The following UTRN variants were observed in gnomAD, a reference collection of about 807,000 sequenced individuals.
UTRN encodes utrophin, also known as dystrophin-related protein 1.
UTRN carries 283 observed loss-of-function variants against 463.9 expected under a neutral mutation model. The observed-to-expected ratio is 0.61, with a 90% CI of 0.55 to 0.67. UTRN has a LOEUF of 0.67. UTRN is among the 30% of genes least tolerant of loss of function. The pLI, the probability that UTRN is intolerant of heterozygous loss-of-function variation, is 0.00. For missense variants in UTRN, 3,922 were observed against 4,084.3 expected (o/e 0.96, Z 1.08); for synonymous variants, 1,442 against 1,431.5 (o/e 1.01, Z -0.17).
intron 17 of UTRN, among the ~76,000 whole-genome samples, 196 bp downstream of exon 17, chr6:144,448,965 A>G (rs1010544851): frequency 6.6e-6 from 1 of 152,012 alleles, no homozygotes; most frequent in Non-Finnish European, 1.5e-5. Context: ...TAAGCATCCA[A>G]ATTTTCTTGG....
intron 52 of UTRN, among the ~76,000 whole-genome samples, chr6:144,686,019 A>G (rs1260790626): frequency 6.6e-6 from 1 of 152,092 alleles, no homozygotes; most frequent in Non-Finnish European, 1.5e-5. Flanking sequence ...TAAAATTGTT[A>G]ATGGTTTCAG....
At chr6:144,473,191 T>A (rs1435460927) in intron 23 of UTRN, among the ~76,000 whole-genome samples, 2 of 152,238 alleles carry the variant, frequency 1.3e-5, no homozygotes, top group African/African-American at 4.8e-5. Flanking sequence ...AGCTGGATTT[T>A]ATATATATAG....
intron 40 of UTRN, 51 bp from the exon 41 acceptor site, chr6:144,522,964 CT>C: frequency 2.4e-5 from 33 of 1,359,264 alleles, no homozygotes; most frequent in Admixed American, 4.7e-5. Flanking sequence ...TCTGTGATTC[CT>C]TTTTTTGTTA....
Position 144,839,294 on chromosome 6 carries a change from C to T in UTRN, c.10177+10C>T. 6.2e-7 allele frequency: 1 copy of T among 1,605,440 alleles called. No homozygotes were observed. Among genetic ancestry groups the T allele is most frequent in the Non-Finnish European group, 8.5e-7 (1 of 1,173,314 alleles). On this transcript the variant is annotated intron_variant, in intron 72 of 74. Coordinates refer to ENST00000367545, the MANE Select transcript of UTRN (RefSeq NM_007124.3). ...CAGTTCCACCAGGCAGGTCGGTGTCCCCAGCACACAGCTCCTCTGCTGAGT... is the reference window on the plus strand; with the variant it reads ...CAGTTCCACCAGGCAGGTCGGTGTCTCCAGCACACAGCTCCTCTGCTGAGT...
intron 2 of UTRN, among the ~76,000 whole-genome samples, chr6:144,310,779 A>T (rs1257475872): frequency 6.6e-6 from 1 of 152,242 alleles, no homozygotes; most frequent in East Asian, 1.9e-4. Flanking sequence ...TGCTGTCTCA[A>T]ACACAAACAA....
At chr6:144,452,922 A>G (rs1788472738) in intron 18 of UTRN, among the ~76,000 whole-genome samples, 1 of 151,014 alleles carries the variant, frequency 6.6e-6, no homozygotes, top group Non-Finnish European at 1.5e-5. Context: ...AGCCTGGGTG[A>G]CAGAGTGACA....
intron 30 of UTRN, among the ~76,000 whole-genome samples, chr6:144,489,289 G>C (rs371641773): frequency 3.9e-5 from 6 of 151,976 alleles, no homozygotes; most frequent in Non-Finnish European, 7.4e-5. Flanking sequence ...GACTTCAAGT[G>C]ATCTGCCTGC....
At chr6:144,650,007 T>TA (rs142728031) in intron 51 of UTRN, among the ~76,000 whole-genome samples, 3,847 of 151,966 alleles carry the variant, frequency 0.025, 159 homozygotes, top group African/African-American at 0.086. Flanking sequence ...GTAATTTATT[T>TA]AAAAAAAAGA....
At chr6:144,476,803 T>A (rs1465828552) in intron 25 of UTRN, among the ~76,000 whole-genome samples, 1 of 152,034 alleles carries the variant, frequency 6.6e-6, no homozygotes, top group East Asian at 1.9e-4. Context: ...GGGAAAAAAG[T>A]CATAGTGGAT....
At position 144,533,057 on chromosome 6, in the gene UTRN, A is replaced by G. The variant is rs377331448; in HGVS notation, c.6058-28A>G. ...TCAGAATCATTTACTTATTAGTGAAACTAATCTTGAGTTGTGCTCTGTTAC... is the reference window on the plus strand; with the variant it reads ...TCAGAATCATTTACTTATTAGTGAAGCTAATCTTGAGTTGTGCTCTGTTAC... On this transcript the variant is annotated intron_variant, in intron 42 of 74. Coordinates refer to ENST00000367545, the MANE Select transcript of UTRN (RefSeq NM_007124.3). 2.4e-5 allele frequency: 31 copies of G among 1,307,308 alleles called. No individual in the cohort carries two copies. The African/African-American group carries it at 4.0e-4, about 17-fold the overall frequency. The allele number at this position is 1,307,308 out of a possible 1,614,324, so 81.0% of individuals were successfully genotyped here.
chr6:144,312,280 C>T (rs1191877176), intron 2 of UTRN, among the ~76,000 whole-genome samples: 1 of 152,066 alleles, frequency 6.6e-6, no homozygotes, highest in Non-Finnish European at 1.5e-5. Flanking sequence ...AAAAAATTAG[C>T]CGGCCTGATG....
chr6:144,543,792 A>C (rs9497001), intron 46 of UTRN, among the ~76,000 whole-genome samples: 1 of 151,798 alleles, frequency 6.6e-6, no homozygotes, highest in Non-Finnish European at 1.5e-5. Context: ...GTTTTGAAAA[A>C]AGTGATGACA....
At chr6:144,459,463 A>G in intron 21 of UTRN, 109 bp downstream of exon 21, 4 of 1,241,704 alleles carry the variant, frequency 3.2e-6, no homozygotes, top group Non-Finnish European at 3.3e-6. Context: ...AACCTTCTCC[A>G]TTTTCCTTTG....
Position 144,678,892 on chromosome 6 carries a change from T to C in UTRN, c.7652+314T>C, listed in dbSNP as rs557587091. 7.9e-5 allele frequency among the ~76,000 whole-genome samples: 12 copies of C among 152,284 alleles called. No individual in the cohort carries two copies. In the East Asian group the frequency reaches 2.1e-3, roughly 27 times the overall value. On this transcript the variant is annotated intron_variant, in intron 52 of 74. Coordinates refer to ENST00000367545, the MANE Select transcript of UTRN (RefSeq NM_007124.3). The stretch of plus-strand genomic sequence containing the variant: ...TACCTTGACTAAGTACTTGTTAGGA[T>C]CTTTACAAATGTTACTTTATTTCGT...
chr6:144,710,197 AG>A (rs1785528168), intron 53 of UTRN, among the ~76,000 whole-genome samples: 1 of 152,252 alleles, frequency 6.6e-6, no homozygotes, highest in Non-Finnish European at 1.5e-5. Flanking sequence ...AATGCTTTAA[AG>A]CATCTCCTAT....
At chr6:144,633,846 A>G (rs886621438) in intron 51 of UTRN, among the ~76,000 whole-genome samples, 7 of 152,262 alleles carry the variant, frequency 4.6e-5, no homozygotes, top group African/African-American at 1.4e-4. Flanking sequence ...ACTTGAAAAA[A>G]TAATATTTTG....
At chr6:144,783,891 T>C (rs1328391859) in intron 61 of UTRN, among the ~76,000 whole-genome samples, 1 of 152,228 alleles carries the variant, frequency 6.6e-6, no homozygotes, top group Non-Finnish European at 1.5e-5. Context: ...ATTTGCGATA[T>C]CTCTGTCTGA....
At chr6:144,324,131 A>G (rs534027012) in intron 2 of UTRN, among the ~76,000 whole-genome samples, 1 of 152,236 alleles carries the variant, frequency 6.6e-6, no homozygotes, top group Admixed American at 6.5e-5. Flanking sequence ...TTTTTATTTC[A>G]TTGTTAATAT....
At chr6:144,590,822 GTC>G (rs1208535446) in intron 51 of UTRN, among the ~76,000 whole-genome samples, 10 of 144,714 alleles carry the variant, frequency 6.9e-5, no homozygotes, top group Non-Finnish European at 1.1e-4. Flanking sequence ...GTTGGAATTA[GTC>G]TCTCTCTCTC....
Sources: gnomAD v4.1 joint callset for allele counts (sites outside exome capture counted in the v4.1 genomes callset) on GRCh38, gnomAD v4.1.1 for gene constraint, MANE v1.5 for transcripts, NCBI Gene and HGNC (gene_info 2026-07-23, HGNC 2026-07-21) for gene names.